Variants in PLCB1 observed in about 807,000 individuals in gnomAD.
PLCB1 encodes the protein 1-phosphatidylinositol 4,5-bisphosphate phosphodiesterase beta-1.
A neutral mutation model predicts 161.8 loss-of-function variants in PLCB1; 46 were observed. The observed-to-expected ratio is 0.28, with a 90% CI of 0.22 to 0.36. PLCB1 has a LOEUF of 0.36. Ranked by LOEUF, PLCB1 falls within the 10% of genes least tolerant of loss-of-function variation. The probability of loss-of-function intolerance (pLI) is 1.00; values close to 1 mark genes in which losing one functional copy is unlikely to be tolerated. For synonymous variants in PLCB1, 517 were observed against 503.7 expected (o/e 1.03, Z -0.35); for missense variants, 1,016 against 1,472.5 (o/e 0.69, Z 5.07).
intron 31 of PLCB1, among the ~76,000 whole-genome samples, chr20:8,807,143 A>G (rs1438605350): frequency 1.3e-5 from 2 of 152,196 alleles, no homozygotes; most frequent in Non-Finnish European, 2.9e-5. Flanking sequence ...GAGTCCGTGA[A>G]GGATGCGATT....
At chr20:8,642,526 A>G (rs533812916) in intron 4 of PLCB1, among the ~76,000 whole-genome samples, 1 of 152,154 alleles carries the variant, frequency 6.6e-6, no homozygotes, top group Admixed American at 6.5e-5. Flanking sequence ...CCCCCTTATG[A>G]GTAGAGGTAA....
rs1397387465 is a variant in PLCB1, at chr20:8,461,073, A to T, written c.246+89623A>T. On this transcript the variant is annotated intron_variant, in intron 3 of 31. Coordinates refer to ENST00000338037, the MANE Select transcript of PLCB1 (RefSeq NM_015192.4). ...AAATTTAATTTTATTTAGTTTAATT[A>T]ATCTAAATTTAAATAGATACCTACC... is the stretch of plus-strand genomic sequence containing the variant. 2.6e-5 allele frequency among the ~76,000 whole-genome samples: 4 copies of T among 152,202 alleles called. No homozygotes were observed. The South Asian group carries it at 8.3e-4, about 31-fold the overall frequency.
At chr20:8,344,640 G>C (rs1232784) in intron 2 of PLCB1, among the ~76,000 whole-genome samples, 31,047 of 152,070 alleles carry the variant, frequency 0.2, 3,436 homozygotes, top group East Asian at 0.38. Flanking sequence ...CACGTCCCCT[G>C]TAGTATATCT....
At chr20:8,833,868 G>A (rs1460448754) in intron 31 of PLCB1, among the ~76,000 whole-genome samples, 1 of 152,038 alleles carries the variant, frequency 6.6e-6, no homozygotes, top group African/African-American at 2.4e-5. Context: ...GTATCTGAAA[G>A]GTCTTTTTCC....
chr20:8,584,473 C>CACACAG (rs1986926956), intron 3 of PLCB1, among the ~76,000 whole-genome samples: 1 of 134,998 alleles, frequency 7.4e-6, no homozygotes, highest in Non-Finnish European at 1.5e-5. Flanking sequence ...CACACACATA[C>CACACAG]ACACACACAG....
At chr20:8,181,771 G>T (rs966274874) in intron 2 of PLCB1, among the ~76,000 whole-genome samples, 1 of 150,318 alleles carries the variant, frequency 6.7e-6, no homozygotes, top group African/African-American at 2.5e-5. Context: ...GTCCAGGAGT[G>T]CAAGACCATC....
chr20:8,318,729 G>C (rs1272949716), intron 2 of PLCB1, among the ~76,000 whole-genome samples: 1 of 152,050 alleles, frequency 6.6e-6, no homozygotes, highest in African/African-American at 2.4e-5. Context: ...TCCTGGAAAA[G>C]CAACTAAGAA....
At chr20:8,708,567 C>T in intron 11 of PLCB1, 103 bp from the exon 12 acceptor site, 1 of 714,838 alleles carries the variant, frequency 1.4e-6, no homozygotes, top group Admixed American at 2.4e-5. Flanking sequence ...CGATACAATT[C>T]TCTGAATGGA....
intron 9 of PLCB1, among the ~76,000 whole-genome samples, chr20:8,681,078 G>A (rs1353416971): frequency 2.1e-5 from 1 of 48,414 alleles, no homozygotes; most frequent in African/African-American, 1.1e-4. Context: ...GTGTGTATAT[G>A]TGTGTGTGTA....
chr20:8,648,021 T>C, intron 6 of PLCB1, 68 bp downstream of exon 6: 1 of 1,171,894 alleles, frequency 8.5e-7, no homozygotes, highest in Non-Finnish European at 1.2e-6. Context: ...ATGCCATGGC[T>C]CTGTTTTGTT....
At chr20:8,571,014 G>A (rs147371252) in intron 3 of PLCB1, among the ~76,000 whole-genome samples, 5 of 152,272 alleles carry the variant, frequency 3.3e-5, no homozygotes, top group Non-Finnish European at 7.4e-5. Flanking sequence ...GAGCCATGGT[G>A]TATGAAAAGT....
intron 3 of PLCB1, among the ~76,000 whole-genome samples, chr20:8,584,483 G>C (rs117999831): frequency 7.4e-5 from 11 of 147,754 alleles, no homozygotes; most frequent in East Asian, 2.0e-4. Context: ...CACACACACA[G>C]ACACACACAC....
intron 27 of PLCB1, among the ~76,000 whole-genome samples, chr20:8,785,245 G>A (rs1351487673): frequency 6.6e-6 from 1 of 152,096 alleles, no homozygotes; most frequent in Admixed American, 6.5e-5. Context: ...CCAAGACAAT[G>A]CTTTTCAAAC....
intron 11 of PLCB1, among the ~76,000 whole-genome samples, chr20:8,701,432 C>A (rs562111227): frequency 1.1e-4 from 16 of 152,254 alleles, no homozygotes; most frequent in African/African-American, 3.9e-4. Context: ...CAAATGTCAC[C>A]TTCTCAGTGA....
intron 4 of PLCB1, among the ~76,000 whole-genome samples, chr20:8,634,424 C>T (rs892131551): frequency 7.9e-5 from 12 of 152,266 alleles, no homozygotes; most frequent in Middle Eastern, 3.4e-3. Context: ...TGGAAGTTTT[C>T]GTTAACTTCG....
chr20:8,714,190 G>A (rs1208790052), intron 12 of PLCB1, among the ~76,000 whole-genome samples: 1 of 152,112 alleles, frequency 6.6e-6, no homozygotes, highest in Non-Finnish European at 1.5e-5. Context: ...GGACTCCACT[G>A]TCCCGGAGTC....
chr20:8,734,524 A>G (rs1421754725), intron 19 of PLCB1, among the ~76,000 whole-genome samples: 1 of 151,890 alleles, frequency 6.6e-6, no homozygotes, highest in African/African-American at 2.4e-5. Flanking sequence ...TTTATTAAAT[A>G]TATATGTATA....
chr20:8,432,204 C>A (rs750981742), intron 3 of PLCB1, among the ~76,000 whole-genome samples: 1 of 152,132 alleles, frequency 6.6e-6, no homozygotes, highest in African/African-American at 2.4e-5. Flanking sequence ...AGGGACGCTC[C>A]GCAAGGCCAG....
At chr20:8,621,090 T>C (rs556392833) in intron 3 of PLCB1, among the ~76,000 whole-genome samples, 1 of 152,234 alleles carries the variant, frequency 6.6e-6, no homozygotes, top group Non-Finnish European at 1.5e-5. Context: ...CTGTGCATTC[T>C]ATTAACAAAC....
Sources: allele counts gnomAD v4.1 joint callset (sites outside exome capture counted in the v4.1 genomes callset), GRCh38; gene constraint gnomAD v4.1.1; transcripts MANE v1.5; gene names NCBI Gene and HGNC (gene_info 2026-07-23, HGNC 2026-07-21).